Variants in PRKD1 observed in about 807,000 individuals in gnomAD.
PRKD1 encodes protein kinase D1.
PRKD1 carries 63 observed loss-of-function variants against 95.9 expected under a neutral mutation model. That is an observed-to-expected ratio of 0.66 (90% confidence interval 0.54 to 0.81). The LOEUF (loss-of-function observed/expected upper bound fraction) is 0.81, where lower values mean the gene tolerates loss of function less well. Ranked by LOEUF, PRKD1 falls within the 30% of genes least tolerant of loss-of-function variation. The probability of loss-of-function intolerance (pLI) is 0.00; values close to 1 mark genes in which losing one functional copy is unlikely to be tolerated. For missense variants in PRKD1, 1,048 were observed against 1,165.3 expected, an observed-to-expected ratio of 0.90 and a Z score of 1.47; for synonymous variants, 425 against 423.1, an observed-to-expected ratio of 1.00 and a Z score of -0.05.
At chr14:29,912,041 G>T (rs937644138) in intron 1 of PRKD1, among the ~76,000 whole-genome samples, 2 of 152,290 alleles carry the variant, frequency 1.3e-5, no homozygotes, top group African/African-American at 4.8e-5. Context: ...AAAGGGCACT[G>T]AATCTCTCAT....
chr14:29,771,161 G>A (rs946330915), intron 1 of PRKD1, among the ~76,000 whole-genome samples: 1 of 152,098 alleles, frequency 6.6e-6, no homozygotes, highest in Non-Finnish European at 1.5e-5. Flanking sequence ...GCGAGTTCAG[G>A]AGAGAATACC....
intron 1 of PRKD1, among the ~76,000 whole-genome samples, chr14:29,914,366 A>G (rs1306666068): frequency 1.3e-5 from 2 of 152,252 alleles, no homozygotes; most frequent in South Asian, 2.1e-4. Context: ...ATAATTGACA[A>G]AAAATAAGCA....
chr14:29,725,795 A>G, intron 1 of PRKD1, 121 bp from the exon 2 acceptor site: 3 of 924,582 alleles, frequency 3.2e-6, no homozygotes, highest in Non-Finnish European at 3.0e-6. Flanking sequence ...GATCATTAAA[A>G]TATTTTAAAA....
intron 2 of PRKD1, among the ~76,000 whole-genome samples, chr14:29,678,047 T>G (rs1157955343): frequency 6.6e-6 from 1 of 152,226 alleles, no homozygotes; most frequent in Non-Finnish European, 1.5e-5. Context: ...CATGATAGAT[T>G]ATAAAAACTG....
intron 1 of PRKD1, among the ~76,000 whole-genome samples, chr14:29,731,511 T>C (rs1490829159): frequency 6.6e-6 from 1 of 152,246 alleles, no homozygotes; most frequent in Non-Finnish European, 1.5e-5. Context: ...GTTTGTTCTA[T>C]AAATTAATGA....
At chr14:29,673,244 A>T (rs1450418339) in intron 2 of PRKD1, among the ~76,000 whole-genome samples, 1 of 152,268 alleles carries the variant, frequency 6.6e-6, no homozygotes, top group African/African-American at 2.4e-5. Context: ...TGGAGCCTTT[A>T]TGTAGTAAAG....
chr14:29,729,656 C>CTT (rs932161251), intron 1 of PRKD1, among the ~76,000 whole-genome samples: 1 of 151,864 alleles, frequency 6.6e-6, no homozygotes, highest in African/African-American at 2.4e-5. Flanking sequence ...TCATGGATTT[C>CTT]TTTTCCTATC....
intron 1 of PRKD1, among the ~76,000 whole-genome samples, chr14:29,794,215 T>C (rs1889706853): frequency 6.6e-6 from 1 of 152,010 alleles, no homozygotes; most frequent in Non-Finnish European, 1.5e-5. Flanking sequence ...GGCCATGATT[T>C]ATAATGCACA....
intron 1 of PRKD1, among the ~76,000 whole-genome samples, chr14:29,906,922 T>C (rs1221192144): frequency 6.6e-6 from 1 of 152,266 alleles, no homozygotes; most frequent in Admixed American, 6.5e-5. Context: ...CTTACCACTA[T>C]ATTTTGTTTG....
chr14:29,872,152 G>A (rs34348577), intron 1 of PRKD1, among the ~76,000 whole-genome samples: 7,311 of 152,220 alleles, frequency 0.048, 243 homozygotes, highest in Non-Finnish European at 0.077. Context: ...ACCCATTGAG[G>A]AAGAAGTTTA....
At chr14:29,784,933 A>G (rs897505613) in intron 1 of PRKD1, among the ~76,000 whole-genome samples, 1 of 152,200 alleles carries the variant, frequency 6.6e-6, no homozygotes, top group African/African-American at 2.4e-5. Context: ...GGCAGCTTCA[A>G]CCAGCTTATA....
At chr14:29,690,570 A>C (rs11851251) in intron 2 of PRKD1, among the ~76,000 whole-genome samples, 1 of 151,940 alleles carries the variant, frequency 6.6e-6, no homozygotes, top group Non-Finnish European at 1.5e-5. Context: ...TTCTGCTTCA[A>C]TGTCTCTTTC....
At chr14:29,677,051 T>C (rs1883269672) in intron 2 of PRKD1, among the ~76,000 whole-genome samples, 1 of 152,224 alleles carries the variant, frequency 6.6e-6, no homozygotes. Flanking sequence ...AAAGTTGAAC[T>C]GGACCCCACT....
At chr14:29,656,652 C>T (rs1399550335) in intron 4 of PRKD1, among the ~76,000 whole-genome samples, 1 of 152,056 alleles carries the variant, frequency 6.6e-6, no homozygotes, top group Non-Finnish European at 1.5e-5. Flanking sequence ...AAATGTTATA[C>T]TAAACAGTCT....
intron 1 of PRKD1, among the ~76,000 whole-genome samples, chr14:29,921,656 C>CA (rs1284827838): frequency 6.6e-6 from 1 of 151,712 alleles, no homozygotes; most frequent in African/African-American, 2.4e-5. Flanking sequence ...AATCATCTCA[C>CA]AAAAAAAGGT....
rs138602132 is a variant in PRKD1 at position 29,817,266 on chromosome 14, C to A, written c.265-91592G>T. Among the ~76,000 whole-genome samples, 54 of 152,242 alleles carry A rather than the reference C, an allele frequency of 3.5e-4. No individual in the cohort carries two copies. The East Asian group carries it at 4.8e-3, about 14-fold the overall frequency. On this transcript the variant is annotated intron_variant, in intron 1 of 17. Coordinates refer to ENST00000331968, the MANE Select transcript of PRKD1 (RefSeq NM_002742.3). ...CCCATTGGCACATAAATATATGTAACCTTTTAATAATGCCTTCTCCCAACT... is the reference window on the plus strand; with the variant it reads ...CCCATTGGCACATAAATATATGTAAACTTTTAATAATGCCTTCTCCCAACT...
At chr14:29,830,680 T>C (rs568267802) in intron 1 of PRKD1, among the ~76,000 whole-genome samples, 1 of 152,260 alleles carries the variant, frequency 6.6e-6, no homozygotes, top group Non-Finnish European at 1.5e-5. Flanking sequence ...GAAACTTTTT[T>C]TTTTTTTGGT....
chr14:29,717,573 A>C (rs998083055), intron 2 of PRKD1, among the ~76,000 whole-genome samples: 4 of 152,182 alleles, frequency 2.6e-5, no homozygotes, highest in Admixed American at 1.3e-4. Flanking sequence ...CTGAGTTAAT[A>C]TATGTGAAGC....
At chr14:29,616,505 G>A (rs1878874279) in intron 13 of PRKD1, among the ~76,000 whole-genome samples, 1 of 151,680 alleles carries the variant, frequency 6.6e-6, no homozygotes, top group Non-Finnish European at 1.5e-5. Flanking sequence ...GTGCAGTTGT[G>A]TGATCATAGC....
Sources: gnomAD v4.1 joint callset for allele counts (sites outside exome capture counted in the v4.1 genomes callset) on GRCh38, gnomAD v4.1.1 for gene constraint, MANE v1.5 for transcripts, NCBI Gene and HGNC (gene_info 2026-07-23, HGNC 2026-07-21) for gene names.